The following FRAS1 variants were observed in gnomAD, a reference collection of about 807,000 sequenced individuals.
FRAS1 encodes extracellular matrix organizing protein FRAS1.
A neutral mutation model predicts 435.2 loss-of-function variants in FRAS1; 290 were observed. The observed-to-expected ratio is 0.67, with a 90% CI of 0.61 to 0.73. The LOEUF (loss-of-function observed/expected upper bound fraction) is 0.73, where lower values mean the gene tolerates loss of function less well. Among genes scored for constraint, FRAS1 ranks in the 30% least tolerant of loss-of-function variants. The pLI is 0.00. For missense variants in FRAS1, 4,860 were observed against 5,001.5 expected, an observed-to-expected ratio of 0.97 and a Z score of 0.85; for synonymous variants, 1,800 against 1,851.0, an observed-to-expected ratio of 0.97 and a Z score of 0.71.
rs1306592276 is a variant in FRAS1, at chr4:78,217,980, C to T, written c.109-19530C>T. On this transcript the variant is annotated intron_variant, in intron 2 of 73. Transcript: ENST00000512123. Reference sequence around the variant, plus strand: ...CCTCTCTTCCCCTCCCCTTCCCCTCCCCTCTCTTCCCCTCCCCTTCCCCTC... The same window carrying T: ...CCTCTCTTCCCCTCCCCTTCCCCTCTCCTCTCTTCCCCTCCCCTTCCCCTC... 4.0e-3 allele frequency among the ~76,000 whole-genome samples: 11 copies of T among 2,770 alleles called. 4 individuals carry two copies. Among genetic ancestry groups the T allele is most frequent in the Non-Finnish European group, 8.5e-3 (11 of 1,290 alleles). 1.8% of individuals were successfully genotyped at this position (2,770 alleles called of 152,430 possible).
intron 2 of FRAS1, among the ~76,000 whole-genome samples, chr4:78,121,291 A>G (rs1040912177): frequency 4.6e-5 from 7 of 152,196 alleles, no homozygotes; most frequent in African/African-American, 7.2e-5. Context: ...TCTTTGAACT[A>G]TTTGGTCTGG....
At chr4:78,407,332 C>A (rs1035219185) in intron 30 of FRAS1, among the ~76,000 whole-genome samples, 1 of 152,130 alleles carries the variant, frequency 6.6e-6, no homozygotes, top group Admixed American at 6.5e-5. Context: ...CCATTCAATG[C>A]CCAGTATTTG....
chr4:78,305,763 C>G (rs537278662), intron 14 of FRAS1, among the ~76,000 whole-genome samples: 2 of 151,904 alleles, frequency 1.3e-5, no homozygotes, highest in Non-Finnish European at 2.9e-5. Flanking sequence ...TGTCTCTGCA[C>G]ATGAGATGGG....
chr4:78,294,862 AT>A (rs1308208519), intron 14 of FRAS1, among the ~76,000 whole-genome samples: 1 of 152,224 alleles, frequency 6.6e-6, no homozygotes, highest in African/African-American at 2.4e-5. Context: ...CCAAAAAAAA[AT>A]AATTAAAGTC....
chr4:78,116,417 G>A (rs112594363), intron 2 of FRAS1, among the ~76,000 whole-genome samples: 9,543 of 152,174 alleles, frequency 0.063, 808 homozygotes, highest in African/African-American at 0.19. Context: ...TCTGTCTAAT[G>A]TTGACAGTGG....
At chr4:78,166,807 T>C (rs996561661) in intron 2 of FRAS1, among the ~76,000 whole-genome samples, 2 of 152,024 alleles carry the variant, frequency 1.3e-5, no homozygotes, top group Admixed American at 1.3e-4. Context: ...AGAAAAAAAA[T>C]GTGTGATACT....
At chr4:78,111,659 A>G (rs1277890629) in intron 2 of FRAS1, among the ~76,000 whole-genome samples, 1 of 119,512 alleles carries the variant, frequency 8.4e-6, no homozygotes, top group Non-Finnish European at 1.7e-5. Context: ...GCTAGATGAC[A>G]CATTAGTGGG....
intron 2 of FRAS1, among the ~76,000 whole-genome samples, chr4:78,127,763 T>G (rs1489360294): frequency 1.3e-5 from 2 of 152,066 alleles, no homozygotes; most frequent in Non-Finnish European, 2.9e-5. Flanking sequence ...TTTATTATTA[T>G]TATACTTTAA....
chr4:78,213,070 C>T (rs988270621), intron 2 of FRAS1, among the ~76,000 whole-genome samples: 1 of 152,142 alleles, frequency 6.6e-6, no homozygotes, highest in African/African-American at 2.4e-5. Context: ...GAAATAATAT[C>T]GTGGGACACA....
Position 78,377,058 on chromosome 4 carries a change from G to A in FRAS1, c.3292+1179G>A, listed in dbSNP as rs544651209. Among the ~76,000 whole-genome samples, 6 of 152,106 alleles carry A rather than the reference G, an allele frequency of 3.9e-5. No homozygotes were observed. In the South Asian group the frequency reaches 1.2e-3, roughly 32 times the overall value. ...AGCCATTCTCTTCCAACACATTAGT[G>A]GACACGTTACCTTAAATAACAAAGA... On this transcript the variant is annotated intron_variant, in intron 26 of 73. Coordinates refer to ENST00000512123, the MANE Select transcript of FRAS1 (RefSeq NM_025074.7).
At chr4:78,214,814 C>T (rs751837972) in intron 2 of FRAS1, among the ~76,000 whole-genome samples, 5 of 152,196 alleles carry the variant, frequency 3.3e-5, no homozygotes, top group Non-Finnish European at 5.9e-5. Context: ...CATTACTAGC[C>T]AGTCCTATCT....
chr4:78,125,739 G>A (rs549074504), intron 2 of FRAS1, among the ~76,000 whole-genome samples: 42 of 152,252 alleles, frequency 2.8e-4, no homozygotes, highest in Non-Finnish European at 5.4e-4. Context: ...CTGCCTGATC[G>A]TTCTTCTGGA....
intron 61 of FRAS1, among the ~76,000 whole-genome samples, chr4:78,500,441 T>G (rs1435612527): frequency 6.6e-6 from 1 of 152,206 alleles, no homozygotes; most frequent in Non-Finnish European, 1.5e-5. Flanking sequence ...AGCTTAAAGG[T>G]CTGTGATCTT....
chr4:78,374,313 C>G, intron 25 of FRAS1, 62 bp downstream of exon 25: 1 of 1,461,588 alleles, frequency 6.8e-7, no homozygotes, highest in Non-Finnish European at 9.3e-7. Context: ...GTCACATGTG[C>G]TGACTCTCAG....
intron 62 of FRAS1, 141 bp from the exon 63 acceptor site, chr4:78,508,590 A>C (rs1430145621): frequency 3.7e-6 from 3 of 821,500 alleles, no homozygotes; most frequent in Admixed American, 6.0e-5. Flanking sequence ...TGCCTGGCAA[A>C]GAATTATAAA....
intron 54 of FRAS1, among the ~76,000 whole-genome samples, chr4:78,476,020 C>T (rs1278091092): frequency 6.6e-6 from 1 of 151,968 alleles, no homozygotes; most frequent in Non-Finnish European, 1.5e-5. Flanking sequence ...GCTTGGGCTT[C>T]GATTATGAAG....
intron 32 of FRAS1, among the ~76,000 whole-genome samples, chr4:78,416,997 T>C (rs1246996009): frequency 6.6e-6 from 1 of 151,744 alleles, no homozygotes. Flanking sequence ...ACAGATATAC[T>C]ATTTTTAAAG....
intron 60 of FRAS1, among the ~76,000 whole-genome samples, chr4:78,497,634 G>T (rs1288589196): frequency 6.6e-6 from 1 of 152,058 alleles, no homozygotes; most frequent in African/African-American, 2.4e-5. Context: ...CTTGAGGTTG[G>T]TGCTATTATT....
At chr4:78,298,821 G>A (rs751647164) in intron 14 of FRAS1, among the ~76,000 whole-genome samples, 1 of 152,076 alleles carries the variant, frequency 6.6e-6, no homozygotes, top group Admixed American at 6.6e-5. Flanking sequence ...GGATACTGGG[G>A]GTTTGCAATG....
Sources: gnomAD v4.1 joint callset for allele counts (sites outside exome capture counted in the v4.1 genomes callset) on GRCh38, gnomAD v4.1.1 for gene constraint, MANE v1.5 for transcripts, NCBI Gene and HGNC (gene_info 2026-07-23, HGNC 2026-07-21) for gene names.